The following PECAM1 variants were observed in gnomAD, a reference collection of about 807,000 sequenced individuals.
PECAM1 encodes the protein platelet and endothelial cell adhesion molecule 1.
Under a neutral mutation model 13.8 loss-of-function variants are expected in PECAM1, and 8 were observed. The observed-to-expected ratio is 0.58, with a 90% CI of 0.34 to 1.05. PECAM1 has a LOEUF of 1.05. PECAM1 is among the 50% of genes least tolerant of loss of function. The pLI, the probability that PECAM1 is intolerant of heterozygous loss-of-function variation, is 0.03. For missense variants in PECAM1, 304 were observed against 141.2 expected (o/e 2.15, Z -5.84); for synonymous variants, 136 against 52.6 (o/e 2.58, Z -6.86).
At chr17:64,356,027 C>G (rs1391113329) in intron 8 of PECAM1, 84 bp downstream of exon 8, 16 of 473,104 alleles carry the variant, frequency 3.4e-5, no homozygotes, top group African/African-American at 1.4e-4. Flanking sequence ...AGACTCCCCC[C>G]CAACTCCCTC....
At chr17:64,373,765 A>G (rs1471255622) in intron 4 of PECAM1, among the ~76,000 whole-genome samples, 1 of 152,172 alleles carries the variant, frequency 6.6e-6, no homozygotes, top group Non-Finnish European at 1.5e-5. Context: ...TGGGCAGGAT[A>G]AAGTGGGATG....
At chr17:64,335,813 G>A (rs961612595) in intron 14 of PECAM1, among the ~76,000 whole-genome samples, 25 of 152,134 alleles carry the variant, frequency 1.6e-4, no homozygotes, top group Non-Finnish European at 3.4e-4. Flanking sequence ...GAAGGGACCC[G>A]CCCAACCGCA....
At chr17:64,357,752 T>C (rs1318056818) in intron 7 of PECAM1, among the ~76,000 whole-genome samples, 19 of 152,312 alleles carry the variant, frequency 1.2e-4, no homozygotes, top group African/African-American at 4.6e-4. Flanking sequence ...AGCAATTTAC[T>C]ACAGTACTTC....
chr17:64,388,840 G>A (rs2036656462), intron 2 of PECAM1, among the ~76,000 whole-genome samples: 1 of 152,036 alleles, frequency 6.6e-6, no homozygotes, highest in Non-Finnish European at 1.5e-5. Context: ...CTAATTTTTT[G>A]TATTTTTAGT....
At chr17:64,325,227 A>C (rs1276891102) in intron 15 of PECAM1, among the ~76,000 whole-genome samples, 2 of 151,960 alleles carry the variant, frequency 1.3e-5, no homozygotes, top group Non-Finnish European at 2.9e-5. Flanking sequence ...TCTCTACTGA[A>C]AAATACAAAA....
rs2036634794 is a variant in PECAM1, at chr17:64,387,974, C to G, written c.91+2515G>C. Among the ~76,000 whole-genome samples, 2 of 152,230 alleles carry G rather than the reference C, an allele frequency of 1.3e-5. 1 individual carries two copies. Among genetic ancestry groups the G allele is most frequent in the South Asian group, 4.1e-4 (2 of 4,832 alleles). Reference sequence around the variant, plus strand: ...TGGAGACCTGGTTCCAGCCGCCGCCCTGCCCACCCCCAGTGTTGACCCTGC... The same window carrying G: ...TGGAGACCTGGTTCCAGCCGCCGCCGTGCCCACCCCCAGTGTTGACCCTGC... On this transcript the variant is annotated intron_variant, in intron 2 of 15. Transcript: ENST00000563924.
intron 9 of PECAM1, among the ~76,000 whole-genome samples, chr17:64,354,575 C>T (rs2035807210): frequency 6.6e-6 from 1 of 152,192 alleles, no homozygotes; most frequent in South Asian, 2.1e-4. Flanking sequence ...GCTTACTTAG[C>T]TAACCCCAAG....
intron 2 of PECAM1, among the ~76,000 whole-genome samples, chr17:64,383,879 C>T (rs1346419117): frequency 6.6e-6 from 1 of 152,150 alleles, no homozygotes; most frequent in Non-Finnish European, 1.5e-5. Context: ...CACCTGTAAT[C>T]CCAGCTCTTT....
chr17:64,381,445 A>G (rs1244644018), intron 2 of PECAM1, among the ~76,000 whole-genome samples: 1 of 152,178 alleles, frequency 6.6e-6, no homozygotes, highest in Non-Finnish European at 1.5e-5. Flanking sequence ...AAGTGGTCCC[A>G]AGTCATTTTT....
chr17:64,344,666 T>C (rs1424866663), intron 13 of PECAM1, among the ~76,000 whole-genome samples: 1 of 152,058 alleles, frequency 6.6e-6, no homozygotes, highest in Non-Finnish European at 1.5e-5. Context: ...ACCACTGGCC[T>C]TGTACCCACA....
intron 13 of PECAM1, among the ~76,000 whole-genome samples, chr17:64,343,474 CT>C (rs2035484987): frequency 6.6e-6 from 1 of 152,194 alleles, no homozygotes. Context: ...CCAAGTCCGT[CT>C]CCCTGGCAGA....
intron 5 of PECAM1, among the ~76,000 whole-genome samples, chr17:64,369,549 T>C (rs2036191421): frequency 6.6e-6 from 1 of 152,158 alleles, no homozygotes; most frequent in Non-Finnish European, 1.5e-5. Context: ...TGCCGGAGCC[T>C]GTACCCTCAA....
intron 4 of PECAM1, among the ~76,000 whole-genome samples, chr17:64,373,526 C>CTGTG (rs199493363): frequency 0.4 from 59,040 of 148,834 alleles, 12,651 homozygotes; most frequent in South Asian, 0.55. Context: ...GATGTTTTTT[C>CTGTG]TGTGTGTGTG....
chr17:64,385,336 C>T (rs2036569895), intron 2 of PECAM1, among the ~76,000 whole-genome samples: 1 of 152,166 alleles, frequency 6.6e-6, no homozygotes, highest in South Asian at 2.1e-4. Flanking sequence ...TGGTGGTGCT[C>T]CCTGGAAACA....
At position 64,356,697 on chromosome 17, in the gene PECAM1, G is replaced by A. The variant is rs1047279302; in HGVS notation, c.1493-299C>T. 1.1e-4 allele frequency among the ~76,000 whole-genome samples: 17 copies of A among 152,052 alleles called. No homozygotes were observed. In the East Asian group the frequency reaches 3.3e-3, roughly 29 times the overall value. Reference sequence around the variant, plus strand: ...TTTAGAGACGGGGTTTTGCCCTGTTGGCCAGGCTGGTCTTGAATTCCTGAC... The same window carrying A: ...TTTAGAGACGGGGTTTTGCCCTGTTAGCCAGGCTGGTCTTGAATTCCTGAC... On this transcript the variant is annotated intron_variant, in intron 7 of 15. Coordinates refer to ENST00000563924, the MANE Select transcript of PECAM1 (RefSeq NM_000442.5).
chr17:64,340,364 G>A (rs1033411088), intron 14 of PECAM1, among the ~76,000 whole-genome samples: 4 of 151,868 alleles, frequency 2.6e-5, no homozygotes, highest in East Asian at 3.9e-4. Context: ...AGCACTTACT[G>A]AGTGCTTAAT....
chr17:64,333,935 C>A (rs1228082436), intron 14 of PECAM1, among the ~76,000 whole-genome samples: 1 of 106,844 alleles, frequency 9.4e-6, no homozygotes, highest in Non-Finnish European at 1.9e-5. Context: ...CAGAGAGAGA[C>A]CCTGTCTCAA....
intron 7 of PECAM1, among the ~76,000 whole-genome samples, chr17:64,357,472 C>T (rs2035871735): frequency 6.6e-6 from 1 of 152,188 alleles, no homozygotes; most frequent in African/African-American, 2.4e-5. Flanking sequence ...TACCAAAATT[C>T]GGATCCTAAA....
intron 4 of PECAM1, among the ~76,000 whole-genome samples, chr17:64,373,540 G>A (rs1198143089): frequency 4.0e-5 from 6 of 151,892 alleles, no homozygotes; most frequent in African/African-American, 1.5e-4. Context: ...GTGTGTGTGT[G>A]TGTGTGTGTG....
Sources: allele counts gnomAD v4.1 joint callset (sites outside exome capture counted in the v4.1 genomes callset), GRCh38; gene constraint gnomAD v4.1.1; transcripts MANE v1.5; gene names NCBI Gene and HGNC (gene_info 2026-07-23, HGNC 2026-07-21).